The following DPP10 variants were observed in gnomAD, a reference collection of about 807,000 sequenced individuals.
The protein encoded by DPP10 is inactive dipeptidyl peptidase 10.
DPP10 carries 33 observed loss-of-function variants against 120.9 expected under a neutral mutation model. The ratio of observed to expected loss-of-function variants is 0.27; its 90% CI spans 0.21 to 0.37. The LOEUF is 0.37. Among genes scored for constraint, DPP10 ranks in the 10% least tolerant of loss-of-function variants. The pLI is 1.00. For missense variants in DPP10, 816 were observed against 942.8 expected, an observed-to-expected ratio of 0.87 and a Z score of 1.76; for synonymous variants, 337 against 326.1, an observed-to-expected ratio of 1.03 and a Z score of -0.36.
At chr2:114,532,298 C>CATATATATATATATATATATATAT (rs1686081637) in intron 1 of DPP10, among the ~76,000 whole-genome samples, 4 of 58,550 alleles carry the variant, frequency 6.8e-5, no homozygotes, top group African/African-American at 3.2e-4. Flanking sequence ...TATATATATA[C>CATATATATATATATATATATATAT]ACACACACAC....
chr2:115,535,231 T>C (rs1200756755), intron 5 of DPP10, among the ~76,000 whole-genome samples: 5 of 150,996 alleles, frequency 3.3e-5, no homozygotes, highest in Non-Finnish European at 5.9e-5. Context: ...TCTTCTAGGG[T>C]TTTTATGGTT....
chr2:115,762,759 AC>A, intron 12 of DPP10, 149 bp downstream of exon 12: 1 of 918,418 alleles, frequency 1.1e-6, no homozygotes, highest in Non-Finnish European at 1.7e-6. Flanking sequence ...ATCACTTATG[AC>A]TTGGGCTTTC....
intron 1 of DPP10, among the ~76,000 whole-genome samples, chr2:115,237,001 C>T (rs1162600131): frequency 6.6e-6 from 1 of 152,120 alleles, no homozygotes; most frequent in Non-Finnish European, 1.5e-5. Flanking sequence ...CTAACAGCTC[C>T]TTAATGTATA....
intron 3 of DPP10, among the ~76,000 whole-genome samples, chr2:115,363,310 A>C (rs1574563093): frequency 6.6e-6 from 1 of 152,200 alleles, no homozygotes. Flanking sequence ...AATTTCTCCA[A>C]GATCCTATTA....
At chr2:115,702,850 AT>A (rs1231008416) in intron 7 of DPP10, among the ~76,000 whole-genome samples, 2 of 152,116 alleles carry the variant, frequency 1.3e-5, no homozygotes, top group African/African-American at 4.8e-5. Flanking sequence ...CTTGTTTGGT[AT>A]GTGAAGAATA....
intron 1 of DPP10, among the ~76,000 whole-genome samples, chr2:114,529,642 C>T (rs1471264987): frequency 6.6e-6 from 1 of 152,098 alleles, no homozygotes. Context: ...TCCTCCCATC[C>T]CTAGCCTGCA....
rs530875724 is a variant in DPP10 at position 115,726,128 on chromosome 2, C to T, written c.577-1688C>T. Among the ~76,000 whole-genome samples, 3 of 152,268 alleles carry T rather than the reference C, an allele frequency of 2.0e-5. No individual in the cohort carries two copies. The East Asian group carries it at 5.8e-4, about 29-fold the overall frequency. ...ATTATTTGTTAATAGCTCTCTCCTCCTCCATGTCCCTTGCCTTCCTACTAT... is the reference window on the plus strand; with the variant it reads ...ATTATTTGTTAATAGCTCTCTCCTCTTCCATGTCCCTTGCCTTCCTACTAT... On this transcript the variant is annotated intron_variant, in intron 7 of 25. Coordinates refer to ENST00000410059, the MANE Select transcript of DPP10 (RefSeq NM_020868.6).
chr2:114,748,545 C>T (rs1678864279), intron 1 of DPP10, among the ~76,000 whole-genome samples: 1 of 89,108 alleles, frequency 1.1e-5, no homozygotes, highest in Admixed American at 1.4e-4. Flanking sequence ...CAATGCTATC[C>T]CTCCCCCCTC....
chr2:115,113,312 A>G (rs189496465), intron 1 of DPP10, among the ~76,000 whole-genome samples: 9 of 152,086 alleles, frequency 5.9e-5, no homozygotes, highest in Middle Eastern at 3.5e-3. Flanking sequence ...AAATGTGTCT[A>G]TATGTGCTTT....
intron 1 of DPP10, among the ~76,000 whole-genome samples, chr2:115,215,987 A>T (rs1011943526): frequency 6.6e-6 from 1 of 152,182 alleles, no homozygotes; most frequent in African/African-American, 2.4e-5. Flanking sequence ...AGAGAATGAA[A>T]TTATGTCTTC....
At chr2:114,533,705 TATTA>T (rs1425352110) in intron 1 of DPP10, among the ~76,000 whole-genome samples, 6 of 152,244 alleles carry the variant, frequency 3.9e-5, no homozygotes, top group African/African-American at 1.4e-4. Context: ...TGAAATATCA[TATTA>T]ATTGCTAGTT....
At chr2:114,976,205 T>C (rs963541741) in intron 1 of DPP10, among the ~76,000 whole-genome samples, 8 of 152,092 alleles carry the variant, frequency 5.3e-5, no homozygotes, top group Non-Finnish European at 8.8e-5. Context: ...TTCTTTGCTG[T>C]GAAATACATG....
intron 2 of DPP10, among the ~76,000 whole-genome samples, chr2:115,337,716 C>G (rs2063228629): frequency 7.2e-6 from 1 of 138,884 alleles, no homozygotes. Context: ...GCCTTGGAGG[C>G]TATTAAAAGA....
intron 1 of DPP10, among the ~76,000 whole-genome samples, chr2:114,800,271 T>C (rs1684079958): frequency 6.6e-6 from 1 of 152,200 alleles, no homozygotes; most frequent in South Asian, 2.1e-4. Context: ...AAAGTTATCA[T>C]GCTAGTAGAG....
intron 1 of DPP10, among the ~76,000 whole-genome samples, chr2:114,623,063 G>C (rs979156276): frequency 3.3e-5 from 5 of 152,042 alleles, no homozygotes; most frequent in African/African-American, 7.2e-5. Flanking sequence ...TAAGGCTAAA[G>C]TGAAGTAGAG....
At chr2:114,763,606 T>A (rs772369596) in intron 1 of DPP10, among the ~76,000 whole-genome samples, 14 of 152,190 alleles carry the variant, frequency 9.2e-5, no homozygotes, top group Non-Finnish European at 1.9e-4. Flanking sequence ...TCGTGGTCTA[T>A]TATATATGAT....
chr2:114,744,830 C>T (rs537681049), intron 1 of DPP10, among the ~76,000 whole-genome samples: 42 of 152,168 alleles, frequency 2.8e-4, no homozygotes, highest in Admixed American at 2.6e-4. Flanking sequence ...GGCACAATCT[C>T]GGCCCACTGC....
At chr2:115,623,146 C>T (rs1351024181) in intron 5 of DPP10, among the ~76,000 whole-genome samples, 1 of 152,030 alleles carries the variant, frequency 6.6e-6, no homozygotes, top group Non-Finnish European at 1.5e-5. Flanking sequence ...TGCCCGGCTC[C>T]ATTCATTTAT....
At chr2:114,507,068 G>C (rs1209895192) in intron 1 of DPP10, among the ~76,000 whole-genome samples, 1 of 134,840 alleles carries the variant, frequency 7.4e-6, no homozygotes, top group Non-Finnish European at 1.5e-5. Flanking sequence ...TTTTTTTTGA[G>C]ACAGGGTCTC....
Sources: allele counts gnomAD v4.1 joint callset (sites outside exome capture counted in the v4.1 genomes callset), GRCh38; gene constraint gnomAD v4.1.1; transcripts MANE v1.5; gene names NCBI Gene and HGNC (gene_info 2026-07-23, HGNC 2026-07-21).